Variants in LRMDA observed in about 807,000 individuals in gnomAD.
The protein encoded by LRMDA is leucine-rich melanocyte differentiation-associated protein.
A neutral mutation model predicts 29.8 loss-of-function variants in LRMDA; 18 were observed. The ratio of observed to expected loss-of-function variants is 0.60; its 90% CI spans 0.42 to 0.90. The LOEUF (loss-of-function observed/expected upper bound fraction) is 0.90, where lower values mean the gene tolerates loss of function less well. LRMDA is among the 40% of genes least tolerant of loss of function. LRMDA has a pLI of 0.00. For missense variants in LRMDA, 273 were observed against 273.9 expected (o/e 1.00, Z 0.02); for synonymous variants, 125 against 109.4 (o/e 1.14, Z -0.89).
chr10:75,815,457 C>T (rs1398978251), intron 2 of LRMDA, among the ~76,000 whole-genome samples: 1 of 152,162 alleles, frequency 6.6e-6, no homozygotes, highest in Admixed American at 6.5e-5. Context: ...TTATGCTTTC[C>T]TTTCCTCTTG....
chr10:75,629,840 A>G (rs1841300909), intron 2 of LRMDA, among the ~76,000 whole-genome samples: 1 of 152,186 alleles, frequency 6.6e-6, no homozygotes, highest in Non-Finnish European at 1.5e-5. Context: ...TGAATTGGTG[A>G]TGATAGCTAT....
intron 2 of LRMDA, among the ~76,000 whole-genome samples, chr10:76,022,520 G>A (rs910262667): frequency 1.3e-5 from 2 of 152,142 alleles, no homozygotes; most frequent in Non-Finnish European, 2.9e-5. Flanking sequence ...CAAATGTAGG[G>A]CCAAGGCACC....
chr10:75,947,780 G>A (rs1372891727), intron 2 of LRMDA, among the ~76,000 whole-genome samples: 1 of 152,130 alleles, frequency 6.6e-6, no homozygotes, highest in Admixed American at 6.5e-5. Context: ...CATACTTCAC[G>A]GTACCAGAGT....
chr10:75,727,203 C>T (rs7923393), intron 2 of LRMDA, among the ~76,000 whole-genome samples: 8 of 152,228 alleles, frequency 5.3e-5, no homozygotes, highest in Non-Finnish European at 1.2e-4. Flanking sequence ...TTCTTCTCTG[C>T]GGTGATGCTG....
chr10:75,810,262 A>G (rs1448704694), intron 2 of LRMDA, among the ~76,000 whole-genome samples: 2 of 152,214 alleles, frequency 1.3e-5, no homozygotes, highest in Non-Finnish European at 2.9e-5. Context: ...TGTCCTGAGC[A>G]GGGAGCTAAA....
At chr10:75,483,434 A>G (rs1283018487) in intron 2 of LRMDA, among the ~76,000 whole-genome samples, 1 of 152,172 alleles carries the variant, frequency 6.6e-6, no homozygotes, top group East Asian at 1.9e-4. Context: ...CTCTGTCTTG[A>G]GAGGGAAAAG....
At chr10:76,048,722 C>T (rs1399843696) in intron 4 of LRMDA, among the ~76,000 whole-genome samples, 2 of 152,184 alleles carry the variant, frequency 1.3e-5, no homozygotes, top group East Asian at 3.8e-4. Flanking sequence ...AATTCGGAGA[C>T]ACTCAGCTCC....
intron 6 of LRMDA, among the ~76,000 whole-genome samples, chr10:76,523,230 C>T (rs1161759522): frequency 6.6e-6 from 1 of 152,086 alleles, no homozygotes; most frequent in East Asian, 1.9e-4. Flanking sequence ...TATTGTCCTC[C>T]AGCCCCGACC....
At position 75,646,326 on chromosome 10, in the gene LRMDA, A is replaced by G. The variant is rs546252011; in HGVS notation, c.131+207832A>G. 2.0e-5 allele frequency among the ~76,000 whole-genome samples: 3 copies of G among 152,076 alleles called. No homozygotes were observed. The East Asian group carries it at 5.8e-4, about 29-fold the overall frequency. ...GCCAGCCTGGATAGGCGCGGCCACC[A>G]TTTTCTTCTCCCTTCTTCCACCTCC... On this transcript the variant is annotated intron_variant, in intron 2 of 6. Coordinates refer to ENST00000611255, the MANE Select transcript of LRMDA (RefSeq NM_001305581.2).
chr10:76,269,522 G>A (rs1419322660), intron 5 of LRMDA, among the ~76,000 whole-genome samples: 1 of 152,062 alleles, frequency 6.6e-6, no homozygotes, highest in Non-Finnish European at 1.5e-5. Flanking sequence ...ATATTGAGAT[G>A]GAAGAGGATG....
chr10:76,293,464 C>T (rs1000486039), intron 5 of LRMDA, among the ~76,000 whole-genome samples: 1 of 152,190 alleles, frequency 6.6e-6, no homozygotes, highest in Non-Finnish European at 1.5e-5. Flanking sequence ...AATGATGTCT[C>T]ATGTTTGCAT....
chr10:75,849,109 AC>A (rs528133942), intron 2 of LRMDA, among the ~76,000 whole-genome samples: 6 of 152,142 alleles, frequency 3.9e-5, no homozygotes, highest in Non-Finnish European at 4.4e-5. Flanking sequence ...GACATGGCCT[AC>A]CAGGGCTTAG....
At chr10:75,497,009 A>G (rs185251035) in intron 2 of LRMDA, among the ~76,000 whole-genome samples, 26 of 151,710 alleles carry the variant, frequency 1.7e-4, no homozygotes, top group Non-Finnish European at 2.6e-4. Flanking sequence ...CTTTTCTTTA[A>G]AGGGATTTAG....
intron 2 of LRMDA, among the ~76,000 whole-genome samples, chr10:75,734,828 T>C (rs1842741227): frequency 6.6e-6 from 1 of 152,198 alleles, no homozygotes; most frequent in Admixed American, 6.5e-5. Context: ...TTTTAAGACA[T>C]GTATCAAGCA....
chr10:76,211,373 C>T (rs1385040663), intron 5 of LRMDA, among the ~76,000 whole-genome samples: 1 of 152,210 alleles, frequency 6.6e-6, no homozygotes, highest in Non-Finnish European at 1.5e-5. Context: ...ATCAATTTCT[C>T]AAATGAGAAA....
chr10:75,783,112 T>C (rs988787537), intron 2 of LRMDA: 1 of 1,465,838 alleles, frequency 6.8e-7, no homozygotes, highest in African/African-American at 1.4e-5. Flanking sequence ...GCTGTCAGGG[T>C]AGGACTTGAT....
At chr10:75,755,053 TG>T (rs1843014952) in intron 2 of LRMDA, among the ~76,000 whole-genome samples, 1 of 151,806 alleles carries the variant, frequency 6.6e-6, no homozygotes, top group Admixed American at 6.6e-5. Context: ...TTTTTTTTTT[TG>T]TTTGTTTTGT....
intron 6 of LRMDA, among the ~76,000 whole-genome samples, chr10:76,344,951 C>T (rs183128832): frequency 1.4e-5 from 2 of 145,782 alleles, no homozygotes; most frequent in East Asian, 4.1e-4. Context: ...CATAAGATAA[C>T]TCATAATTCA....
chr10:75,750,328 G>T (rs2132218102), intron 2 of LRMDA, among the ~76,000 whole-genome samples: 1 of 152,012 alleles, frequency 6.6e-6, no homozygotes, highest in South Asian at 2.1e-4. Context: ...GGACGGGGCA[G>T]CTGCTGGGCG....
Sources: gnomAD v4.1 joint callset for allele counts (sites outside exome capture counted in the v4.1 genomes callset) on GRCh38, gnomAD v4.1.1 for gene constraint, MANE v1.5 for transcripts, NCBI Gene and HGNC (gene_info 2026-07-23, HGNC 2026-07-21) for gene names.